RIMBP2: variants seen among roughly 807,000 people sequenced by gnomAD.
RIMBP2 encodes RIMS-binding protein 2.
Under a neutral mutation model 118.6 loss-of-function variants are expected in RIMBP2, and 48 were observed. The observed-to-expected ratio is 0.40, with a 90% CI of 0.32 to 0.51. RIMBP2 has a LOEUF of 0.51. RIMBP2 is among the 20% of genes least tolerant of loss of function. The pLI, the probability that RIMBP2 is intolerant of heterozygous loss-of-function variation, is 0.41. For synonymous variants in RIMBP2, 762 were observed against 742.9 expected (o/e 1.03, Z -0.42); for missense variants, 1,551 against 1,768.3 (o/e 0.88, Z 2.20).
At chr12:130,648,806 A>G (rs1436623420) in intron 1 of RIMBP2, among the ~76,000 whole-genome samples, 2 of 144,678 alleles carry the variant, frequency 1.4e-5, no homozygotes, top group Non-Finnish European at 3.1e-5. Context: ...ACAGGCCTGC[A>G]CCACCACGCC....
chr12:130,583,898 A>G (rs894190779), intron 2 of RIMBP2, among the ~76,000 whole-genome samples: 3 of 147,454 alleles, frequency 2.0e-5, no homozygotes. Context: ...CCTCATCACC[A>G]TGACATCATC....
chr12:130,699,073 A>G (rs545578192), intron 1 of RIMBP2, among the ~76,000 whole-genome samples: 31 of 152,316 alleles, frequency 2.0e-4, no homozygotes, highest in South Asian at 4.1e-4. Flanking sequence ...TTAAAAAGTC[A>G]GGAAATAGGT....
At chr12:130,633,003 G>A (rs1044206315) in intron 1 of RIMBP2, among the ~76,000 whole-genome samples, 6 of 152,136 alleles carry the variant, frequency 3.9e-5, no homozygotes, top group African/African-American at 1.2e-4. Context: ...TGCCAGGAGG[G>A]AGGAGCCAGT....
At chr12:130,661,376 T>C (rs1464123839) in intron 1 of RIMBP2, among the ~76,000 whole-genome samples, 2 of 152,148 alleles carry the variant, frequency 1.3e-5, no homozygotes, top group African/African-American at 2.4e-5. Context: ...AGCCTCAGCA[T>C]TGTTGTGGGA....
intron 1 of RIMBP2, among the ~76,000 whole-genome samples, chr12:130,654,308 G>C (rs896286727): frequency 2.6e-5 from 4 of 152,184 alleles, no homozygotes; most frequent in African/African-American, 7.2e-5. Flanking sequence ...TCTTCCACCA[G>C]ATACCCTAGG....
rs1014235508 is a variant in RIMBP2 at position 130,597,714 on chromosome 12, G to A, written c.-217+30608C>T. Among the ~76,000 whole-genome samples the A allele has an allele frequency of 3.9e-5, 6 of 152,316 alleles. No individual in the cohort carries two copies. In the South Asian group the frequency reaches 1.0e-3, roughly 26 times the overall value. ...CGTCTATAACTGATAACACCACTCAGCAACATGATAAGAGAAAGAAACTTC... is the reference window on the plus strand; with the variant it reads ...CGTCTATAACTGATAACACCACTCAACAACATGATAAGAGAAAGAAACTTC... On this transcript the variant is annotated intron_variant, in intron 2 of 22. Coordinates refer to ENST00000690449, the MANE Select transcript of RIMBP2 (RefSeq NM_001393629.1).
rs147024119 is a variant in RIMBP2, at chr12:130,586,491, T to C, written c.-217+41831A>G. On this transcript the variant is annotated intron_variant, in intron 2 of 22. Coordinates refer to ENST00000690449, the MANE Select transcript of RIMBP2 (RefSeq NM_001393629.1). ...AGAAGAAGAAGAGATGGGGGATCAA[T>C]AGAACAGAACAGAGCCCTCAGAAAT... Among the ~76,000 whole-genome samples, 779 of 152,198 alleles carry C rather than the reference T, an allele frequency of 5.1e-3. 8 individuals carry two copies. Among genetic ancestry groups the C allele is most frequent in the African/African-American group, 0.018 (752 of 41,520 alleles).
At chr12:130,607,404 G>A (rs1012204283) in intron 2 of RIMBP2, among the ~76,000 whole-genome samples, 2 of 151,976 alleles carry the variant, frequency 1.3e-5, no homozygotes, top group Non-Finnish European at 2.9e-5. Context: ...ATAGACGGGT[G>A]CCTCCAGTTG....
At chr12:130,467,314 A>G (rs552042121) in intron 6 of RIMBP2, among the ~76,000 whole-genome samples, 1 of 152,322 alleles carries the variant, frequency 6.6e-6, no homozygotes, top group Non-Finnish European at 1.5e-5. Context: ...GCTCCTGGAG[A>G]TAACATCACT....
chr12:130,697,504 A>G (rs963173520), intron 1 of RIMBP2, among the ~76,000 whole-genome samples: 1 of 151,958 alleles, frequency 6.6e-6, no homozygotes, highest in Admixed American at 6.6e-5. Context: ...GCCTGGGTGC[A>G]GAGGGAGACC....
At chr12:130,656,580 C>T (rs746915723) in intron 1 of RIMBP2, among the ~76,000 whole-genome samples, 10 of 149,330 alleles carry the variant, frequency 6.7e-5, no homozygotes, top group South Asian at 2.2e-4. Context: ...GAATCTGCCC[C>T]GGGCTCCCCC....
chr12:130,500,319 G>C (rs542974458), intron 4 of RIMBP2, among the ~76,000 whole-genome samples: 1 of 152,164 alleles, frequency 6.6e-6, no homozygotes, highest in Non-Finnish European at 1.5e-5. Context: ...TTAGCTGGGC[G>C]TGGTGGCAGG....
At position 130,623,470 on chromosome 12, in the gene RIMBP2, A is replaced by G. The variant is rs935974263; in HGVS notation, c.-217+4852T>C. 3.9e-5 allele frequency among the ~76,000 whole-genome samples: 6 copies of G among 152,000 alleles called. No individual in the cohort carries two copies. The highest frequency in any genetic ancestry group is 7.4e-5 in the Non-Finnish European group (5 of 68,008). Reference sequence around the variant, plus strand: ...AGATTCTCGAGTAATGTACACAGGTAGCATGGACAAGTATGTTCCCTGCTG... The same window carrying G: ...AGATTCTCGAGTAATGTACACAGGTGGCATGGACAAGTATGTTCCCTGCTG... On this transcript the variant is annotated intron_variant, in intron 2 of 22. Coordinates refer to ENST00000690449, the MANE Select transcript of RIMBP2 (RefSeq NM_001393629.1). This position sits in a 1 kb window ranked among gnomAD's most constrained non-coding sequence, Gnocchi z 4.1.
At chr12:130,540,842 C>T (rs2054541739) in intron 2 of RIMBP2, among the ~76,000 whole-genome samples, 1 of 152,154 alleles carries the variant, frequency 6.6e-6, no homozygotes, top group Non-Finnish European at 1.5e-5. Context: ...GGACCTAGAC[C>T]AAGCCCCTGG....
rs1007499636 is a variant in RIMBP2 at position 130,482,660 on chromosome 12, C to T, written c.-3-3644G>A. Among the ~76,000 whole-genome samples the T allele has an allele frequency of 6.6e-5, 10 of 152,258 alleles. No individual in the cohort carries two copies. In the East Asian group the frequency reaches 7.7e-4, roughly 12 times the overall value. ...TGCTGGCTTCTGAAGGCTACAGCAA[C>T]GCAAAACAAAGCAAAACAAAACCAG... On this transcript the variant is annotated intron_variant, in intron 4 of 22. Coordinates refer to ENST00000690449, the MANE Select transcript of RIMBP2 (RefSeq NM_001393629.1).
intron 1 of RIMBP2, among the ~76,000 whole-genome samples, chr12:130,700,774 G>A (rs1314671549): frequency 6.6e-6 from 1 of 152,206 alleles, no homozygotes; most frequent in Non-Finnish European, 1.5e-5. Flanking sequence ...ACAGCTGCAG[G>A]AAACTGATCC....
chr12:130,604,582 C>CTTTTTTTTTTTTTTTT lies in RIMBP2; in HGVS notation c.-217+23739_-217+23740insAAAAAAAAAAAAAAAA, dbSNP rs777097560. ...AGTGCCCTATACAGATGCCCCTTTT[C>CTTTTTTTTTTTTTTTT]TTTCTTTTTTTTTTTTTTTGAGACA... On this transcript the variant is annotated intron_variant, in intron 2 of 22. Transcript: ENST00000690449. Among the ~76,000 whole-genome samples the CTTTTTTTTTTTTTTTT allele has an allele frequency of 7.4e-5, 5 of 67,284 alleles. 2 individuals are homozygous for CTTTTTTTTTTTTTTTT. Among genetic ancestry groups the CTTTTTTTTTTTTTTTT allele is most frequent in the Admixed American group, 4.2e-4 (2 of 4,716 alleles). 44.1% of individuals were successfully genotyped at this position (67,284 alleles called of 152,430 possible). A position where few individuals can be genotyped will look rare whatever the true frequency, so the allele number is the denominator to read the frequency against.
At chr12:130,412,510 A>G in intron 19 of RIMBP2, 109 bp downstream of exon 19, 2 of 1,037,740 alleles carry the variant, frequency 1.9e-6, no homozygotes, top group Non-Finnish European at 2.8e-6. Context: ...ACTTTGGCAT[A>G]TTTAAATGAT....
chr12:130,579,452 C>T lies in RIMBP2; in HGVS notation c.-217+48870G>A, dbSNP rs537844184. 2.0e-5 allele frequency among the ~76,000 whole-genome samples: 3 copies of T among 152,264 alleles called. No homozygotes were observed. In the East Asian group the frequency reaches 5.8e-4, roughly 29 times the overall value. Reference sequence around the variant, plus strand: ...CTCGTTAGGCACGTCCTGTGTGACCCCACTGGGAGCGGCTCTTGGGAGCGT... The same window carrying T: ...CTCGTTAGGCACGTCCTGTGTGACCTCACTGGGAGCGGCTCTTGGGAGCGT... On this transcript the variant is annotated intron_variant, in intron 2 of 22. Transcript: ENST00000690449.
Sources: gnomAD v4.1 joint callset for allele counts (sites outside exome capture counted in the v4.1 genomes callset) on GRCh38, gnomAD v4.1.1 for gene constraint, Gnocchi (gnomAD v3.1) non-coding constraint, MANE v1.5 for transcripts, NCBI Gene and HGNC (gene_info 2026-07-23, HGNC 2026-07-21) for gene names.